Variants in INTS6 observed in about 807,000 individuals in gnomAD.
INTS6 encodes DEAD box protein.
A neutral mutation model predicts 104.9 loss-of-function variants in INTS6; 16 were observed. The observed-to-expected ratio is 0.15, with a 90% CI of 0.10 to 0.23. The LOEUF is 0.23. Ranked by LOEUF, INTS6 falls within the 10% of genes least tolerant of loss-of-function variation. The pLI, the probability that INTS6 is intolerant of heterozygous loss-of-function variation, is 1.00. For synonymous variants in INTS6, 324 were observed against 358.7 expected (o/e 0.90, Z 1.09); for missense variants, 584 against 1,062.8 (o/e 0.55, Z 6.26).
intron 4 of INTS6, among the ~76,000 whole-genome samples, chr13:51,418,360 T>C (rs562258030): frequency 6.6e-6 from 1 of 152,228 alleles, no homozygotes; most frequent in African/African-American, 2.4e-5. Flanking sequence ...TTTTCTTTAG[T>C]ATATTTCCTT....
chr13:51,347,612 C>T, the INTS6 span, among the ~76,000 whole-genome samples: 13 of 152,166 alleles, frequency 8.5e-5, no homozygotes, highest in Non-Finnish European at 1.6e-4. Context: ...CATGATTTTG[C>T]TTTTTTGAGG....
chr13:51,404,921 CACATTACACAT>C (rs1180698902), intron 4 of INTS6, among the ~76,000 whole-genome samples: 11 of 134,138 alleles, frequency 8.2e-5, no homozygotes. Flanking sequence ...TGAAAGGCAA[CACATTACACAT>C]TGTAATCTTC....
intron 3 of INTS6, chr13:51,442,980 A>T (rs1041302413): frequency 1.3e-5 from 2 of 152,270 alleles, no homozygotes; most frequent in African/African-American, 4.8e-5. Context: ...GACTAAATGT[A>T]ACAGAGACAA....
intron 3 of INTS6, chr13:51,448,162 T>A (rs919926020): frequency 6.6e-6 from 1 of 152,234 alleles, no homozygotes; most frequent in Non-Finnish European, 1.5e-5. Flanking sequence ...TCACATTTTA[T>A]ACATTTCCTA....
At chr13:51,442,497 T>C (rs959528322) in intron 3 of INTS6, 1 of 152,206 alleles carries the variant, frequency 6.6e-6, no homozygotes, top group African/African-American at 2.4e-5. Context: ...GGGTTCTCAG[T>C]AAACTTTTAT....
intron 4 of INTS6, among the ~76,000 whole-genome samples, chr13:51,423,567 G>T (rs1364059385): frequency 6.6e-6 from 1 of 152,006 alleles, no homozygotes; most frequent in Non-Finnish European, 1.5e-5. Context: ...AGCAGTAACT[G>T]CAGATTGACT....
chr13:51,388,113 G>C (rs1179677255), intron 6 of INTS6, among the ~76,000 whole-genome samples: 1 of 152,164 alleles, frequency 6.6e-6, no homozygotes, highest in African/African-American at 2.4e-5. Flanking sequence ...ACATTTACTA[G>C]TAACAAACTC....
At chr13:51,365,895 TA>T in intron 17 of INTS6, 50 bp from the exon 18 acceptor site, 1 of 1,018,114 alleles carries the variant, frequency 9.8e-7, no homozygotes. Context: ...ATGAATAGTA[TA>T]TATCAGTATA....
chr13:51,416,484 C>T (rs1956789194), intron 4 of INTS6, among the ~76,000 whole-genome samples: 1 of 152,150 alleles, frequency 6.6e-6, no homozygotes, highest in Non-Finnish European at 1.5e-5. Context: ...AAATTTGCAT[C>T]AAGTAGCCTT....
At chr13:51,418,395 C>T (rs1312750562) in intron 4 of INTS6, among the ~76,000 whole-genome samples, 1 of 151,612 alleles carries the variant, frequency 6.6e-6, no homozygotes, top group Admixed American at 6.6e-5. Flanking sequence ...AAGTAAATTT[C>T]CCTTAGGCTA....
At chr13:51,445,013 T>C (rs2138157201) in intron 3 of INTS6, 1 of 152,222 alleles carries the variant, frequency 6.6e-6, no homozygotes, top group African/African-American at 2.4e-5. Flanking sequence ...TTGAGCTCAG[T>C]TAAATCTTAT....
the INTS6 span, chr13:51,344,464 G>T: frequency 1.3e-6 from 2 of 1,592,980 alleles, no homozygotes; most frequent in Non-Finnish European, 8.6e-7. Context: ...GACTAGCGAA[G>T]GGGCCTCCAG....
chr13:51,412,626 C>T (rs1211858234), intron 4 of INTS6, among the ~76,000 whole-genome samples: 1 of 152,140 alleles, frequency 6.6e-6, no homozygotes, highest in African/African-American at 2.4e-5. Context: ...ATGTGCAGCT[C>T]TCTCCCTCTT....
At chr13:51,374,607 C>T (rs1398026703) in intron 14 of INTS6, 47 bp downstream of exon 14, 2 of 1,598,512 alleles carry the variant, frequency 1.3e-6, no homozygotes, top group African/African-American at 1.3e-5. Flanking sequence ...ATAAAACTGA[C>T]AGTGCCTACC....
chr13:51,348,399 T>C, the INTS6 span: 1 of 1,613,602 alleles, frequency 6.2e-7, no homozygotes, highest in Non-Finnish European at 8.5e-7. Context: ...AGGATGGATG[T>C]GTTCCTGCCC....
intron 4 of INTS6, among the ~76,000 whole-genome samples, chr13:51,422,301 T>C (rs1044597967): frequency 4.6e-5 from 7 of 152,142 alleles, no homozygotes; most frequent in Admixed American, 2.0e-4. Context: ...TAAACCAGTA[T>C]ATTTTTACTT....
At chr13:51,451,904 G>C in intron 2 of INTS6, 74 bp downstream of exon 2, 1 of 1,051,066 alleles carries the variant, frequency 9.5e-7, no homozygotes, top group Non-Finnish European at 1.4e-6. Context: ...AAGGGTGAAT[G>C]GGGGGGCGGG....
chr13:51,336,208 T>G, the INTS6 span, among the ~76,000 whole-genome samples: 1 of 152,166 alleles, frequency 6.6e-6, no homozygotes, highest in Non-Finnish European at 1.5e-5. Context: ...ATACTTCCAG[T>G]TGGATGCGGT....
chr13:51,350,201 G>A (rs1955390846), downstream of INTS6, among the ~76,000 whole-genome samples: 1 of 152,076 alleles, frequency 6.6e-6, no homozygotes, highest in Non-Finnish European at 1.5e-5. Flanking sequence ...GTGCTTTCAG[G>A]TTAGACATCA....
Sources: gnomAD v4.1 joint callset for allele counts (sites outside exome capture counted in the v4.1 genomes callset) on GRCh38, gnomAD v4.1.1 for gene constraint, MANE v1.5 for transcripts, NCBI Gene and HGNC (gene_info 2026-07-23, HGNC 2026-07-21) for gene names.